Variants in TXLNB observed in about 807,000 individuals in gnomAD.
TXLNB encodes beta-taxilin.
TXLNB carries 37 observed loss-of-function variants against 57.4 expected under a neutral mutation model. The ratio of observed to expected loss-of-function variants is 0.64; its 90% CI spans 0.50 to 0.85. The LOEUF is 0.85. Among genes scored for constraint, TXLNB ranks in the 40% least tolerant of loss-of-function variants. The pLI, the probability that TXLNB is intolerant of heterozygous loss-of-function variation, is 0.00. For synonymous variants in TXLNB, 302 were observed against 309.6 expected, an observed-to-expected ratio of 0.98 and a Z score of 0.26; for missense variants, 848 against 825.6, an observed-to-expected ratio of 1.03 and a Z score of -0.33.
the TXLNB span, among the ~76,000 whole-genome samples, chr6:139,188,724 G>A: frequency 1.3e-4 from 20 of 152,100 alleles, no homozygotes; most frequent in Non-Finnish European, 4.4e-5. Flanking sequence ...AATTGTGTTG[G>A]AATCTCAATT....
chr6:139,171,933 C>T, the TXLNB span, among the ~76,000 whole-genome samples: 483 of 151,748 alleles, frequency 3.2e-3, 6 homozygotes, highest in African/African-American at 6.1e-3. Flanking sequence ...TGGGTTCAAG[C>T]GATTCTCCTG....
chr6:139,211,626 TG>T, the TXLNB span, among the ~76,000 whole-genome samples: 118 of 152,270 alleles, frequency 7.7e-4, no homozygotes, highest in African/African-American at 2.7e-3. Flanking sequence ...CAAAGCTGGA[TG>T]GAGAATGACT....
the TXLNB span, chr6:139,174,352 G>A: frequency 6.4e-7 from 1 of 1,570,196 alleles, no homozygotes; most frequent in South Asian, 1.2e-5. Flanking sequence ...TTTCCATGAT[G>A]GCCACTCAGA....
the TXLNB span, chr6:139,174,302 G>T: frequency 2.1e-6 from 3 of 1,438,316 alleles, no homozygotes; most frequent in Non-Finnish European, 2.8e-6. Context: ...CTTATAATTG[G>T]TAGATGAAAC....
upstream of TXLNB, among the ~76,000 whole-genome samples, chr6:139,296,992 G>A (rs1349187499): frequency 6.6e-6 from 1 of 152,150 alleles, no homozygotes; most frequent in Admixed American, 6.5e-5. Flanking sequence ...TCCACTTGCA[G>A]AGTATTAACC....
At chr6:139,160,604 G>A in the TXLNB span, among the ~76,000 whole-genome samples, 3 of 152,034 alleles carry the variant, frequency 2.0e-5, no homozygotes, top group Non-Finnish European at 1.5e-5. Flanking sequence ...TCATGGAGAC[G>A]GAGTCTCACT....
downstream of TXLNB, among the ~76,000 whole-genome samples, chr6:139,236,973 T>G (rs1369194689): frequency 6.6e-6 from 1 of 152,122 alleles, no homozygotes; most frequent in African/African-American, 2.4e-5. Context: ...ACAAACCCTG[T>G]GCGTAAAAAT....
rs199688571 is a variant in TXLNB at position 139,269,902 on chromosome 6, T to C, written c.687+554A>G. Among the ~76,000 whole-genome samples the C allele has an allele frequency of 1.8e-4, 28 of 152,320 alleles. No individual in the cohort carries two copies. In the East Asian group the frequency reaches 4.6e-3, roughly 25 times the overall value. On this transcript the variant is annotated intron_variant, in intron 4 of 9. Transcript: ENST00000358430. ...CAGACCAAATGAAGTGATCAGTCTATTATTTTTAGATTGAATAATTAAACC... is the reference window on the plus strand; with the variant it reads ...CAGACCAAATGAAGTGATCAGTCTACTATTTTTAGATTGAATAATTAAACC...
chr6:139,310,942 G>C, the TXLNB span, among the ~76,000 whole-genome samples: 2 of 152,116 alleles, frequency 1.3e-5, no homozygotes. Context: ...TGATCCACCC[G>C]CCTCAGTCTC....
the TXLNB span, among the ~76,000 whole-genome samples, chr6:139,308,082 G>A: frequency 1.3e-5 from 2 of 151,714 alleles, no homozygotes; most frequent in Non-Finnish European, 2.9e-5. Context: ...GCTTCCACAC[G>A]GCCACAATGG....
the TXLNB span, among the ~76,000 whole-genome samples, chr6:139,192,720 G>A: frequency 6.6e-6 from 1 of 151,848 alleles, no homozygotes; most frequent in Non-Finnish European, 1.5e-5. Flanking sequence ...CGAGGCAGGT[G>A]GATCATGAGG....
intron 6 of TXLNB, 102 bp downstream of exon 6, chr6:139,260,216 T>C (rs1404601763): frequency 3.0e-6 from 4 of 1,337,994 alleles, no homozygotes; most frequent in Non-Finnish European, 4.0e-6. Context: ...CGAGACTCTG[T>C]CTCAAATAAA....
At chr6:139,279,443 C>G (rs1452648584) in intron 2 of TXLNB, among the ~76,000 whole-genome samples, 1 of 152,100 alleles carries the variant, frequency 6.6e-6, no homozygotes, top group Non-Finnish European at 1.5e-5. Context: ...AACAGAATTT[C>G]TATTTGTAAG....
chr6:139,286,680 T>A (rs915716727), intron 2 of TXLNB, among the ~76,000 whole-genome samples: 23 of 152,290 alleles, frequency 1.5e-4, no homozygotes, highest in Admixed American at 1.1e-3. Context: ...TCCCCATCAC[T>A]CACATTACCA....
chr6:139,300,626 C>T, the TXLNB span, among the ~76,000 whole-genome samples: 5,551 of 152,158 alleles, frequency 0.036, 351 homozygotes, highest in African/African-American at 0.12. Context: ...CAGCTGGGTG[C>T]GGTGGCTCAC....
intron 3 of TXLNB, among the ~76,000 whole-genome samples, chr6:139,273,227 C>A (rs1776811356): frequency 6.6e-6 from 1 of 152,142 alleles, no homozygotes; most frequent in South Asian, 2.1e-4. Context: ...TCAACACCAT[C>A]CCTAGCCCCT....
At chr6:139,317,751 T>C in the TXLNB span, among the ~76,000 whole-genome samples, 24 of 152,030 alleles carry the variant, frequency 1.6e-4, no homozygotes, top group South Asian at 4.1e-3. Flanking sequence ...AAATATAAAA[T>C]TTTGCCACAG....
At chr6:139,239,883 C>T (rs1400571413), downstream of TXLNB, among the ~76,000 whole-genome samples, 2 of 152,180 alleles carry the variant, frequency 1.3e-5, no homozygotes, top group Admixed American at 1.3e-4. The surrounding 1 kb of genome is among the most constrained non-coding windows in gnomAD (Gnocchi z 4.7). Context: ...CACACACACA[C>T]ACCCCCGCCC....
chr6:139,204,909 C>A, the TXLNB span, among the ~76,000 whole-genome samples: 1 of 152,098 alleles, frequency 6.6e-6, no homozygotes, highest in Non-Finnish European at 1.5e-5. Flanking sequence ...GGAACATTAT[C>A]CCGATGGCCT....
Sources: allele counts gnomAD v4.1 joint callset (sites outside exome capture counted in the v4.1 genomes callset), GRCh38; gene constraint gnomAD v4.1.1; non-coding constraint Gnocchi (gnomAD v3.1); transcripts MANE v1.5; gene names NCBI Gene and HGNC (gene_info 2026-07-23, HGNC 2026-07-21).